Variants in PPHLN1 observed in about 807,000 individuals in gnomAD.
PPHLN1 encodes the protein periphilin 1.
Under a neutral mutation model 51.3 loss-of-function variants are expected in PPHLN1, and 29 were observed. The observed-to-expected ratio is 0.57, with a 90% CI of 0.42 to 0.77. The LOEUF (loss-of-function observed/expected upper bound fraction) is 0.77, where lower values mean the gene tolerates loss of function less well. PPHLN1 is among the 30% of genes least tolerant of loss of function. PPHLN1 has a pLI of 0.00. For missense variants in PPHLN1, 436 were observed against 438.4 expected (o/e 0.99, Z 0.05); for synonymous variants, 147 against 147.8 (o/e 0.99, Z 0.04).
intron 6 of PPHLN1, among the ~76,000 whole-genome samples, chr12:42,386,472 G>T (rs2077201437): frequency 6.6e-6 from 1 of 152,184 alleles, no homozygotes; most frequent in Non-Finnish European, 1.5e-5. Flanking sequence ...AGCTTAAGAG[G>T]CTTTTTGACT....
chr12:42,431,063 AT>A (rs2081995189), intron 9 of PPHLN1, among the ~76,000 whole-genome samples: 1 of 152,226 alleles, frequency 6.6e-6, no homozygotes, highest in African/African-American at 2.4e-5. Context: ...ACTTTAATAA[AT>A]AAACCAAACA....
chr12:42,358,419 A>G (rs896154060), intron 4 of PPHLN1, among the ~76,000 whole-genome samples: 1 of 152,094 alleles, frequency 6.6e-6, no homozygotes, highest in Non-Finnish European at 1.5e-5. Flanking sequence ...GTTTTGAGAC[A>G]AAGTTCTGTC....
In PPHLN1 at chr12:42,441,729, A is replaced by G. The variant is rs2082982774; in HGVS notation, c.*220A>G. ...AGAGATGGGGTTCACCATGTTGGCC[A>G]GGCTAGTCTCTAACTCCTGGCCTCA... On this transcript the variant is annotated 3_prime_UTR_variant, in exon 10 of 10. Transcript: ENST00000358314. 2 of 1,185,280 alleles carry G rather than the reference A, an allele frequency of 1.7e-6. No individual in the cohort carries two copies. Among genetic ancestry groups the G allele is most frequent in the Non-Finnish European group, 2.1e-6 (2 of 939,788 alleles). 73.4% of individuals were successfully genotyped at this position (1,185,280 alleles called of 1,614,324 possible).
intron 9 of PPHLN1, among the ~76,000 whole-genome samples, chr12:42,438,207 G>T (rs1454219336): frequency 6.6e-6 from 1 of 152,172 alleles, no homozygotes; most frequent in African/African-American, 2.4e-5. Flanking sequence ...TTGCTGGATT[G>T]TATGGTAAGA....
intron 5 of PPHLN1, among the ~76,000 whole-genome samples, chr12:42,380,556 C>T (rs748352561): frequency 2.6e-5 from 4 of 152,028 alleles, no homozygotes; most frequent in East Asian, 1.9e-4. Context: ...AAAAGACATA[C>T]GTCTTAAGAG....
chr12:42,431,702 GT>G, intron 9 of PPHLN1: 1 of 1,113,408 alleles, frequency 9.0e-7, no homozygotes, highest in Non-Finnish European at 1.4e-6. Flanking sequence ...CTTCTTGACT[GT>G]TTTCTTCTTT....
chr12:42,330,490 T>C lies in PPHLN1; in HGVS notation c.-21+4261T>C, dbSNP rs568324551. 1.1e-4 allele frequency among the ~76,000 whole-genome samples: 17 copies of C among 152,280 alleles called. No homozygotes were observed. The South Asian group carries it at 1.7e-3, about 15-fold the overall frequency. ...GTCCCTGCAGCTTTCCGCAGGGCAT[T>C]GTGCCCCTGGTTAATCGAGAATGGA... On this transcript the variant is annotated intron_variant, in intron 1 of 9. Coordinates refer to ENST00000358314, the MANE Select transcript of PPHLN1 (RefSeq NM_201439.2).
intron 2 of PPHLN1, among the ~76,000 whole-genome samples, chr12:42,349,107 CATTTA>C (rs1260956484): frequency 6.6e-6 from 1 of 152,084 alleles, no homozygotes; most frequent in African/African-American, 2.4e-5. Flanking sequence ...AGTATATAGT[CATTTA>C]ATAACAATTG....
intron 4 of PPHLN1, among the ~76,000 whole-genome samples, chr12:42,371,207 C>T (rs1196459076): frequency 7.1e-6 from 1 of 140,876 alleles, no homozygotes; most frequent in Admixed American, 7.7e-5. Context: ...GGCAGCCTCT[C>T]CTGTGGGGCT....
intron 9 of PPHLN1, among the ~76,000 whole-genome samples, chr12:42,413,430 T>G (rs79528452): frequency 1.3e-5 from 2 of 152,092 alleles, no homozygotes; most frequent in African/African-American, 4.8e-5. Flanking sequence ...ATTGTAAGTA[T>G]TTGGCGTTAT....
At chr12:42,420,470 A>ATTT (rs534730099) in intron 9 of PPHLN1, among the ~76,000 whole-genome samples, 1 of 142,630 alleles carries the variant, frequency 7.0e-6, no homozygotes, top group Non-Finnish European at 1.5e-5. Flanking sequence ...TCTCTAAATG[A>ATTT]TTTTTTTTTT....
At chr12:42,441,217 T>G in intron 9 of PPHLN1, 98 bp from the exon 10 acceptor site, 1 of 1,431,524 alleles carries the variant, frequency 7.0e-7, no homozygotes, top group South Asian at 1.5e-5. Context: ...TGTGTCTCTC[T>G]TTTAGATGTC....
chr12:42,445,419 T>C (rs568805086), downstream of PPHLN1: 667 of 351,748 alleles, frequency 1.9e-3, 5 homozygotes, highest in Non-Finnish European at 3.1e-3. Flanking sequence ...TAATCAGTTA[T>C]GGCAAACAGA....
intron 7 of PPHLN1, among the ~76,000 whole-genome samples, chr12:42,390,486 C>G (rs2077590744): frequency 6.6e-6 from 1 of 151,750 alleles, no homozygotes; most frequent in Non-Finnish European, 1.5e-5. Context: ...TAAGTTACAA[C>G]ATAGAGTTTT....
At chr12:42,445,976 C>T (rs751197580), downstream of PPHLN1, 2 of 1,503,382 alleles carry the variant, frequency 1.3e-6, no homozygotes, top group South Asian at 2.6e-5. Flanking sequence ...CCCTCAGGCC[C>T]TCTTTGGATT....
At chr12:42,343,317 A>C (rs1314698403) in intron 2 of PPHLN1, among the ~76,000 whole-genome samples, 1 of 152,156 alleles carries the variant, frequency 6.6e-6, no homozygotes, top group Non-Finnish European at 1.5e-5. Context: ...ATCAGTGTTC[A>C]TGTAAATTTT....
intron 5 of PPHLN1, among the ~76,000 whole-genome samples, chr12:42,384,282 T>C (rs1046882776): frequency 1.3e-5 from 2 of 152,090 alleles, no homozygotes; most frequent in Non-Finnish European, 2.9e-5. Flanking sequence ...ACTTGGGATC[T>C]GTAGTAGAAG....
At chr12:42,350,478 A>G (rs1219422551) in intron 2 of PPHLN1, among the ~76,000 whole-genome samples, 4 of 148,244 alleles carry the variant, frequency 2.7e-5, no homozygotes, top group East Asian at 2.0e-4. Context: ...CTCACTTCCC[A>G]GAGTGGGCGA....
chr12:42,433,664 T>C (rs1194403813), intron 9 of PPHLN1, among the ~76,000 whole-genome samples: 1 of 152,164 alleles, frequency 6.6e-6, no homozygotes, highest in African/African-American at 2.4e-5. Flanking sequence ...TAAAATGTTA[T>C]TAAGAAAATA....
Sources: gnomAD v4.1 joint callset for allele counts (sites outside exome capture counted in the v4.1 genomes callset) on GRCh38, gnomAD v4.1.1 for gene constraint, MANE v1.5 for transcripts, NCBI Gene and HGNC (gene_info 2026-07-23, HGNC 2026-07-21) for gene names.